The following TMEM45B variants were observed in gnomAD, a reference collection of about 807,000 sequenced individuals.
TMEM45B encodes transmembrane protein 45B.
A neutral mutation model predicts 27.3 loss-of-function variants in TMEM45B; 29 were observed. The ratio of observed to expected loss-of-function variants is 1.06; its 90% CI spans 0.79 to 1.45. TMEM45B has a LOEUF of 1.45. Among genes scored for constraint, TMEM45B ranks in the 40% most tolerant of loss-of-function variants. The pLI is 0.00. For synonymous variants in TMEM45B, 143 were observed against 134.7 expected (o/e 1.06, Z -0.43); for missense variants, 348 against 343.9 (o/e 1.01, Z -0.09).
Position 129,852,588 on chromosome 11 carries a change from AACAGCCCACT to A in TMEM45B, c.110_119del (p.Ser37IlefsTer43), listed in dbSNP as rs1947863385. ...GAAGTACTTTAGCCACACGCGGAAGAACAGCCCACTACATTACTATCAGCGTCTCGAGATC... is the reference window on the plus strand; with the variant it reads ...GAAGTACTTTAGCCACACGCGGAAGAACATTACTATCAGCGTCTCGAGATC... On this transcript the variant is annotated frameshift_variant, in exon 2 of 6. Coordinates refer to ENST00000281441, the MANE Select transcript of TMEM45B (RefSeq NM_138788.5). LOFTEE classifies it high-confidence loss of function. 6.2e-7 allele frequency: 1 copy of A among 1,613,912 alleles called. No individual in the cohort carries two copies. Among genetic ancestry groups the A allele is most frequent in the Non-Finnish European group, 8.5e-7 (1 of 1,179,926 alleles).
At position 129,818,758 on chromosome 11, in the gene TMEM45B, T is replaced by C. The variant is rs1269763292; in HGVS notation, c.-9+2860T>C. On this transcript the variant is annotated intron_variant, in intron 1 of 5. Transcript: ENST00000281441. ...ATATTTCATGCCCATCTTTGTTCCA[T>C]ATAATTACAAAAATATCTTAGAGCT... 4.6e-5 allele frequency among the ~76,000 whole-genome samples: 7 copies of C among 152,330 alleles called. No individual in the cohort carries two copies. In the Middle Eastern group the frequency reaches 0.01, roughly 222 times the overall value.
rs1179941485 is a variant in TMEM45B at position 129,858,798 on chromosome 11, C to T, written c.*113C>T. ...ATCTTAAGGGTCTATATATTTGCAC[C>T]TCCTCATTCAACACAGGGCTGGAGG... On this transcript the variant is annotated 3_prime_UTR_variant, in exon 6 of 6. Coordinates refer to ENST00000281441, the MANE Select transcript of TMEM45B (RefSeq NM_138788.5). 2 of 704,546 alleles carry T rather than the reference C, an allele frequency of 2.8e-6. No homozygotes were observed. Among genetic ancestry groups the T allele is most frequent in the Non-Finnish European group, 4.6e-6 (2 of 434,146 alleles). The allele number at this position is 704,546 out of a possible 1,614,324, so 43.6% of individuals were successfully genotyped here.
chr11:129,823,244 A>G (rs1366178421), intron 1 of TMEM45B, among the ~76,000 whole-genome samples: 3 of 152,200 alleles, frequency 2.0e-5, no homozygotes, highest in Non-Finnish European at 4.4e-5. Flanking sequence ...CCCCACAGTG[A>G]TCATCAAAAC....
In TMEM45B at chr11:129,846,457, C is replaced by T. The variant is rs553935347; in HGVS notation, c.-8-6018C>T. Among the ~76,000 whole-genome samples, 4 of 130,838 alleles carry T rather than the reference C, an allele frequency of 3.1e-5. No homozygotes were observed. The East Asian group carries it at 6.9e-4, about 23-fold the overall frequency. The allele number at this position is 130,838 out of a possible 152,430, so 85.8% of individuals were successfully genotyped here. ...CTCCAGCCTGGGCGACAGAGCAAGA[C>T]TCTTTCTCAAAAAAAAAAAAAAGTG... On this transcript the variant is annotated intron_variant, in intron 1 of 5. Transcript: ENST00000281441.
intron 1 of TMEM45B, among the ~76,000 whole-genome samples, chr11:129,847,921 T>TG (rs1440543708): frequency 1.6e-5 from 2 of 126,426 alleles, no homozygotes; most frequent in Admixed American, 1.5e-4. Context: ...GATGGGGTGG[T>TG]GGTGGCCGGG....
chr11:129,832,990 C>G (rs1438803497), intron 1 of TMEM45B, among the ~76,000 whole-genome samples: 2 of 152,020 alleles, frequency 1.3e-5, no homozygotes, highest in African/African-American at 2.4e-5. Context: ...ACCTGTAATC[C>G]CAGCACTTTG....
intron 1 of TMEM45B, among the ~76,000 whole-genome samples, chr11:129,845,199 G>A (rs370537395): frequency 7.2e-5 from 11 of 151,876 alleles, no homozygotes; most frequent in East Asian, 3.9e-4. Context: ...ACACGCACAC[G>A]TCTCTGCCTG....
intron 1 of TMEM45B, among the ~76,000 whole-genome samples, chr11:129,843,579 T>G (rs1947722289): frequency 6.7e-6 from 1 of 150,054 alleles, no homozygotes; most frequent in South Asian, 2.1e-4. Flanking sequence ...AGTCAAAGAA[T>G]GTAGGCAATA....
At chr11:129,856,857 CT>C (rs34320792) in intron 4 of TMEM45B, among the ~76,000 whole-genome samples, 24,074 of 129,468 alleles carry the variant, frequency 0.19, 2,097 homozygotes, top group African/African-American at 0.29. Flanking sequence ...CCGCGCCCGG[CT>C]TTTTTTTTTT....
rs1356317158 is a variant in TMEM45B, at chr11:129,858,479, G to C, written c.717-95G>C. ...TCACAGTATTTGATAGAAATATAAA[G>C]AAAATAGTTTAAGAATCAGTAGATG... On this transcript the variant is annotated intron_variant, in intron 5 of 5. Coordinates refer to ENST00000281441, the MANE Select transcript of TMEM45B (RefSeq NM_138788.5). The C allele has an allele frequency of 3.8e-6, 3 of 781,764 alleles. No individual in the cohort carries two copies. In the African/African-American group the frequency reaches 5.3e-5, roughly 14 times the overall value. The allele number at this position is 781,764 out of a possible 1,614,324, so 48.4% of individuals were successfully genotyped here.
rs779879443 is a variant in TMEM45B, at chr11:129,857,352, T to C, written c.610T>C (p.Trp204Arg). ...GTTCCCACCTTTTGGAACACCCGAATGGGACCAGAAGGATGATGCCAACCT... is the reference window on the plus strand; with the variant it reads ...GTTCCCACCTTTTGGAACACCCGAACGGGACCAGAAGGATGATGCCAACCT... ...VLFPPFGTPEWDQKDDANLMF... is the reference protein window; with the variant it reads ...VLFPPFGTPERDQKDDANLMF... The change falls in exon 5 of 6, where the codon TGG becomes CGG. Residue 204 changes from tryptophan (W) to arginine (R), a missense_variant. Coordinates refer to ENST00000281441, the MANE Select transcript of TMEM45B (RefSeq NM_138788.5). The C allele has an allele frequency of 5.0e-6, 8 of 1,614,108 alleles. No individual in the cohort carries two copies. Among genetic ancestry groups the C allele is most frequent in the South Asian group, 2.2e-5 (2 of 91,090 alleles).
rs71057982 is a variant in TMEM45B, at chr11:129,851,543, C to CAAAAA, written c.-8-921_-8-917dup. Reference sequence around the variant, plus strand: ...TGGGTGACAGAGTGAAACTCTGCCTCAAAAAAAAAAAAAAAGTCCCCTTCT... The same window carrying CAAAAA: ...TGGGTGACAGAGTGAAACTCTGCCTCAAAAAAAAAAAAAAAAAAAAGTCCCCTTCT... On this transcript the variant is annotated intron_variant, in intron 1 of 5. Transcript: ENST00000281441. 4.4e-4 allele frequency among the ~76,000 whole-genome samples: 24 copies of CAAAAA among 54,964 alleles called. 3 individuals carry two copies. The highest frequency in any genetic ancestry group is 3.7e-3 in the East Asian group (5 of 1,344). 36.1% of individuals were successfully genotyped at this position (54,964 alleles called of 152,430 possible). A position where few individuals can be genotyped will look rare whatever the true frequency, so the allele number is the denominator to read the frequency against.
intron 4 of TMEM45B, 68 bp from the exon 5 acceptor site, chr11:129,857,245 A>G: frequency 6.3e-7 from 1 of 1,586,706 alleles, no homozygotes; most frequent in East Asian, 2.2e-5. Context: ...CGGTGGCCAC[A>G]GGAGAACGGC....
chr11:129,838,229 G>C (rs1024047059), intron 1 of TMEM45B, among the ~76,000 whole-genome samples: 1 of 152,146 alleles, frequency 6.6e-6, no homozygotes, highest in African/African-American at 2.4e-5. Flanking sequence ...GGATCTCACA[G>C]CCTCGACATT....
intron 1 of TMEM45B, among the ~76,000 whole-genome samples, chr11:129,828,988 G>A (rs999051130): frequency 1.1e-4 from 17 of 152,228 alleles, no homozygotes; most frequent in African/African-American, 3.6e-4. Flanking sequence ...CCAGACTAGA[G>A]AGGAAGTTAA....
intron 1 of TMEM45B, among the ~76,000 whole-genome samples, chr11:129,844,761 C>CAAAGG (rs1389536237): frequency 1.3e-5 from 2 of 152,044 alleles, no homozygotes; most frequent in Non-Finnish European, 2.9e-5. Context: ...ATTCTCATTA[C>CAAAGG]AAAGGAAAGG....
chr11:129,816,304 ACG>A (rs1947350450), intron 1 of TMEM45B, among the ~76,000 whole-genome samples: 1 of 151,840 alleles, frequency 6.6e-6, no homozygotes, highest in Non-Finnish European at 1.5e-5. Flanking sequence ...GAGTCCGGGG[ACG>A]CGCGCCCCCG....
At chr11:129,854,530 A>G in intron 2 of TMEM45B, 80 bp from the exon 3 acceptor site, 1 of 1,451,844 alleles carries the variant, frequency 6.9e-7, no homozygotes. Context: ...CGCTTCGCTC[A>G]TGCCTTTGGG....
chr11:129,819,389 T>A (rs56064926), intron 1 of TMEM45B, among the ~76,000 whole-genome samples: 21,008 of 152,156 alleles, frequency 0.14, 1,704 homozygotes, highest in South Asian at 0.25. Context: ...GGTTCCGATA[T>A]GAACGTCATC....
Sources: allele counts gnomAD v4.1 joint callset (sites outside exome capture counted in the v4.1 genomes callset), GRCh38; gene constraint gnomAD v4.1.1; transcripts MANE v1.5; gene names NCBI Gene and HGNC (gene_info 2026-07-23, HGNC 2026-07-21).